The following PARP12 variants were observed in gnomAD, a reference collection of about 807,000 sequenced individuals.
The protein encoded by PARP12 is poly(ADP-ribose) polymerase family member 12.
Under a neutral mutation model 72.4 loss-of-function variants are expected in PARP12, and 59 were observed. The ratio of observed to expected loss-of-function variants is 0.81; its 90% CI spans 0.66 to 1.01. The LOEUF (loss-of-function observed/expected upper bound fraction) is 1.01. Among genes scored for constraint, PARP12 ranks in the 50% least tolerant of loss-of-function variants. PARP12 has a pLI of 0.00. For synonymous variants in PARP12, 403 were observed against 371.4 expected (o/e 1.09, Z -0.98); for missense variants, 851 against 914.0 (o/e 0.93, Z 0.89).
At chr7:140,037,986 G>A (rs1307404632) in intron 6 of PARP12, 130 bp from the exon 7 acceptor site, 14 of 1,458,626 alleles carry the variant, frequency 9.6e-6, no homozygotes, top group Non-Finnish European at 1.1e-5. Flanking sequence ...ATGGAGGCCA[G>A]GGAGCATGGT....
chr7:140,055,555 A>G (rs1368644514), intron 3 of PARP12, among the ~76,000 whole-genome samples: 2 of 152,122 alleles, frequency 1.3e-5, no homozygotes, highest in Non-Finnish European at 2.9e-5. Context: ...TTCTTTTTAT[A>G]AGCCCCTGAG....
At position 140,027,333 on chromosome 7, in the gene PARP12, T is replaced by G; in HGVS notation, c.1571A>C (p.Tyr524Ser). Residue 524 changes from tyrosine (Y) to serine (S), a missense_variant, in exon 10 of 12, where the codon TAC becomes TCC. Coordinates refer to ENST00000263549, the MANE Select transcript of PARP12 (RefSeq NM_022750.4). The stretch of plus-strand genomic sequence containing the variant: ...TACTCGCTCAATCTTCTGAACAAAG[T>G]AGAAAGGCAGCGTGCGGTTAAAGAG... ...WNLFNRTLPF[Y>S]FVQKIERVQN... The G allele has an allele frequency of 6.2e-7, 1 of 1,613,832 alleles. No individual in the cohort carries two copies. The highest frequency in any genetic ancestry group is 1.3e-5 in the African/African-American group (1 of 74,930).
At position 140,025,173 on chromosome 7, in the gene PARP12, G is replaced by A. The variant is rs139409996; in HGVS notation, c.1781-288C>T. On this transcript the variant is annotated intron_variant, in intron 11 of 11. Transcript: ENST00000263549. ...ACGAAACCTAAAGGCCTGTGGACAC[G>A]TCACTACTTAATCCCCCAAACCTCA... The A allele has an allele frequency of 1.1e-4, 46 of 422,170 alleles. 1 individual carries two copies. The East Asian group carries it at 1.8e-3, about 16-fold the overall frequency. The allele number at this position is 422,170 out of a possible 1,614,324, so 26.2% of individuals were successfully genotyped here. A position where few individuals can be genotyped will look rare whatever the true frequency, so the allele number is the denominator to read the frequency against.
At chr7:140,041,416 T>G in intron 6 of PARP12, 1 of 439,636 alleles carries the variant, frequency 2.3e-6, no homozygotes. Context: ...TGTCATTCAG[T>G]TCTCATGAGC....
chr7:140,033,781 C>T (rs1393216312), intron 8 of PARP12: 21 of 989,262 alleles, frequency 2.1e-5, no homozygotes, highest in Non-Finnish European at 1.8e-5. Flanking sequence ...TGACGAAGCT[C>T]GCCCATTAGT....
chr7:140,037,091 G>A (rs1569527016), intron 7 of PARP12, among the ~76,000 whole-genome samples: 1 of 152,212 alleles, frequency 6.6e-6, no homozygotes, highest in Non-Finnish European at 1.5e-5. Flanking sequence ...GGGAGGCCAA[G>A]GTGGGTAGAA....
At chr7:140,056,792 G>T in intron 3 of PARP12, 64 bp downstream of exon 3, 1 of 1,462,646 alleles carries the variant, frequency 6.8e-7, no homozygotes, top group South Asian at 1.4e-5. Flanking sequence ...GCTGGAATCC[G>T]GGAACCCCCA....
chr7:140,058,715 C>T (rs1398872549), intron 1 of PARP12, among the ~76,000 whole-genome samples: 3 of 152,080 alleles, frequency 2.0e-5, no homozygotes, highest in Non-Finnish European at 2.9e-5. Flanking sequence ...GTTATGGCAG[C>T]GCTGGCAAAC....
chr7:140,062,827 G>A lies in PARP12; in HGVS notation c.21C>T (p.Val7=). MAQAGV[V]GEVTQVLCAA... Reference sequence around the variant, plus strand: ...CGCACAGCACCTGGGTGACCTCACCGACGACGCCGGCCTGGGCCATGGCCG... The same window carrying A: ...CGCACAGCACCTGGGTGACCTCACCAACGACGCCGGCCTGGGCCATGGCCG... The change falls in exon 1 of 12, where the codon GTC becomes GTT. Residue 7 remains valine, a synonymous_variant. Coordinates refer to ENST00000263549, the MANE Select transcript of PARP12 (RefSeq NM_022750.4). 1 of 1,401,076 alleles carries A rather than the reference G, an allele frequency of 7.1e-7. No individual in the cohort carries two copies. The highest frequency in any genetic ancestry group is 9.3e-7 in the Non-Finnish European group (1 of 1,075,084). The allele number at this position is 1,401,076 out of a possible 1,614,324, so 86.8% of individuals were successfully genotyped here.
intron 7 of PARP12, among the ~76,000 whole-genome samples, chr7:140,036,997 T>C (rs73160832): frequency 0.034 from 5,133 of 152,144 alleles, 122 homozygotes; most frequent in Non-Finnish European, 0.057. Context: ...TACCATCCGT[T>C]AAACCCATCA....
In PARP12 at chr7:140,062,562, T is replaced by C; in HGVS notation, c.286A>G (p.Arg96Gly). 6.4e-7 allele frequency: 1 copy of C among 1,554,540 alleles called. No homozygotes were observed. The highest frequency in any genetic ancestry group is 8.7e-7 in the Non-Finnish European group (1 of 1,154,718). ...TTGCAGGCGCCGTAGACCATGAACC[T>C]GCAGAGGTGGAGCTGCGCGCAGAGC... is the stretch of plus-strand genomic sequence containing the variant. ...VGLCAQLHLCRFMVYGACKFL... is the reference protein window; with the variant it reads ...VGLCAQLHLCGFMVYGACKFL... Residue 96 changes from arginine to glycine, a missense_variant, in exon 1 of 12, where the codon AGG (arginine) becomes GGG (glycine). Physicochemically the swap from Arg to Gly is moderately radical, Grantham distance 125 (BLOSUM62 -2). Around this residue, in one of 3 missense-constraint regions of PARP12, gnomAD observed 492 missense variants for 489.3 expected, o/e 1.01. Coordinates refer to ENST00000263549, the MANE Select transcript of PARP12 (RefSeq NM_022750.4).
chr7:140,054,813 A>G, intron 3 of PARP12, 50 bp from the exon 4 acceptor site: 4 of 1,411,272 alleles, frequency 2.8e-6, no homozygotes, highest in Non-Finnish European at 4.0e-6. Context: ...TGGGGTATAA[A>G]AGAGAGTTAA....
intron 5 of PARP12, 76 bp downstream of exon 5, chr7:140,046,808 G>GTGTA: frequency 3.7e-6 from 5 of 1,342,084 alleles, no homozygotes; most frequent in Non-Finnish European, 4.1e-6. Context: ...CAGTGTGTGT[G>GTGTA]TGTGTGTGTG....
chr7:140,057,776 G>C, intron 2 of PARP12, 123 bp downstream of exon 2: 1 of 1,358,580 alleles, frequency 7.4e-7, no homozygotes. Context: ...CCAAATTTCT[G>C]CAGGTGGAAA....
chr7:140,036,002 A>AGGAGGAGGAGGAGGAGG, intron 7 of PARP12, among the ~76,000 whole-genome samples: 1 of 16,914 alleles, frequency 5.9e-5, no homozygotes, highest in Non-Finnish European at 9.2e-5. Context: ...GGAGGAGGAG[A>AGGAGGAGGAGGAGGAGG]AGGAGGAGAA....
chr7:140,062,485 AC>A (rs1817500803), intron 1 of PARP12, 36 bp downstream of exon 1: 8 of 1,504,632 alleles, frequency 5.3e-6, no homozygotes, highest in Non-Finnish European at 7.1e-6. Flanking sequence ...GGCGCGCAGG[AC>A]CTCCGCCCGC....
chr7:140,027,999 A>G lies in PARP12; in HGVS notation c.1498-593T>C, dbSNP rs568110305. On this transcript the variant is annotated intron_variant, in intron 9 of 11. Transcript: ENST00000263549. ...ATCTGCATGTGCCTTATACAAGCTC[A>G]ATAAGTCCTCCCAGGACAGGGACCG... Among the ~76,000 whole-genome samples the G allele has an allele frequency of 2.5e-3, 382 of 152,352 alleles. 2 individuals are homozygous for G. Among genetic ancestry groups the G allele is most frequent in the Non-Finnish European group, 4.5e-3 (305 of 68,036 alleles).
chr7:140,027,055 T>G (rs1205092325), intron 10 of PARP12, among the ~76,000 whole-genome samples: 1 of 152,074 alleles, frequency 6.6e-6, no homozygotes, highest in Non-Finnish European at 1.5e-5. Flanking sequence ...CGGGACCAGG[T>G]GGTATGCTCC....
At chr7:140,026,427 A>G in intron 10 of PARP12, 79 bp from the exon 11 acceptor site, 1 of 1,534,932 alleles carries the variant, frequency 6.5e-7, no homozygotes. Context: ...AAAACAACAC[A>G]TTTTTCCAAA....
Sources: allele counts gnomAD v4.1 joint callset (sites outside exome capture counted in the v4.1 genomes callset), GRCh38; gene constraint gnomAD v4.1.1; regional missense constraint gnomAD v4.1.1; transcripts MANE v1.5; gene names NCBI Gene and HGNC (gene_info 2026-07-23, HGNC 2026-07-21).